The following RBFOX1 variants were observed in gnomAD, a reference collection of about 807,000 sequenced individuals.
RBFOX1 encodes RNA binding fox-1 homolog 1.
A neutral mutation model predicts 57.7 loss-of-function variants in RBFOX1; 8 were observed. That is an observed-to-expected ratio of 0.14 (90% CI 0.08 to 0.25). The LOEUF is 0.25. RBFOX1 is among the 10% of genes least tolerant of loss of function. The pLI, the probability that RBFOX1 is intolerant of heterozygous loss-of-function variation, is 1.00. For missense variants in RBFOX1, 611 were observed against 548.5 expected (o/e 1.11, Z -1.14); for synonymous variants, 326 against 222.4 (o/e 1.47, Z -4.15).
chr16:6,814,545 C>T (rs1436916413), intron 3 of RBFOX1, among the ~76,000 whole-genome samples: 1 of 152,092 alleles, frequency 6.6e-6, no homozygotes, highest in East Asian at 1.9e-4. Flanking sequence ...TTAGTATGTG[C>T]TGTGAAGGGA....
intron 4 of RBFOX1, among the ~76,000 whole-genome samples, chr16:7,115,723 A>G (rs928941616): frequency 1.3e-5 from 2 of 152,082 alleles, no homozygotes; most frequent in African/African-American, 4.8e-5. Flanking sequence ...CTGATTTAGG[A>G]GGTGACATTC....
intron 2 of RBFOX1, among the ~76,000 whole-genome samples, chr16:6,392,885 G>A (rs992506719): frequency 6.6e-6 from 1 of 152,190 alleles, no homozygotes; most frequent in Non-Finnish European, 1.5e-5. Flanking sequence ...TTTATCAGAC[G>A]CAACACCAGA....
At chr16:6,748,452 G>A (rs1352008634) in intron 3 of RBFOX1, among the ~76,000 whole-genome samples, 1 of 152,150 alleles carries the variant, frequency 6.6e-6, no homozygotes, top group Non-Finnish European at 1.5e-5. Context: ...CATAAGCCCA[G>A]GAGTTCAAGA....
rs115085662 is a variant in RBFOX1 at position 5,398,933 on chromosome 16, G to A, written c.220-68283G>A. On this transcript the variant is annotated intron_variant, in intron 1 of 2. Transcript: ENST00000585867. ...GCGGAGGCTGTGAACCAGAAAGGTG[G>A]CTGCGATTGGTGTCTGACTTTGCAC... 7.7e-3 allele frequency among the ~76,000 whole-genome samples: 1,170 copies of A among 152,288 alleles called. 17 individuals are homozygous for A. The highest frequency in any genetic ancestry group is 0.026 in the African/African-American group (1,083 of 41,552).
chr16:5,559,963 T>A (rs1250442108), intron 2 of RBFOX1, among the ~76,000 whole-genome samples: 1 of 152,188 alleles, frequency 6.6e-6, no homozygotes, highest in Admixed American at 6.5e-5. Context: ...TTTATCTGGA[T>A]GATCTTGTTG....
At chr16:6,908,028 T>G (rs778115816) in intron 3 of RBFOX1, among the ~76,000 whole-genome samples, 1 of 151,714 alleles carries the variant, frequency 6.6e-6, no homozygotes, top group African/African-American at 2.4e-5. Flanking sequence ...CATATTGGAT[T>G]AGGGCCTATC....
chr16:5,974,435 C>G (rs1055014955), intron 4 of RBFOX1, among the ~76,000 whole-genome samples: 1 of 151,612 alleles, frequency 6.6e-6, no homozygotes, highest in East Asian at 2.0e-4. Flanking sequence ...ATGGTGAAAC[C>G]CCGTCCCTAC....
chr16:7,069,739 C>G (rs111560536), intron 4 of RBFOX1, among the ~76,000 whole-genome samples: 167 of 152,202 alleles, frequency 1.1e-3, no homozygotes, highest in African/African-American at 3.9e-3. Flanking sequence ...CTGCCATCTC[C>G]CAGAGCTCTA....
chr16:6,935,234 A>G (rs1404538994), intron 3 of RBFOX1, among the ~76,000 whole-genome samples: 1 of 152,222 alleles, frequency 6.6e-6, no homozygotes, highest in Non-Finnish European at 1.5e-5. Context: ...TAGGGGAGGC[A>G]GCAGAAGTAA....
At chr16:7,685,552 G>C (rs187702238) in intron 14 of RBFOX1, among the ~76,000 whole-genome samples, 1 of 152,070 alleles carries the variant, frequency 6.6e-6, no homozygotes, top group African/African-American at 2.4e-5. Flanking sequence ...GTACTAATTA[G>C]AATCAGAAAG....
intron 3 of RBFOX1, among the ~76,000 whole-genome samples, chr16:6,840,761 C>G (rs2093413140): frequency 6.6e-6 from 1 of 151,844 alleles, no homozygotes; most frequent in Non-Finnish European, 1.5e-5. Context: ...GTGGTGTGCA[C>G]CTGTAGTCCC....
At chr16:6,393,310 A>G (rs1401861626) in intron 2 of RBFOX1, among the ~76,000 whole-genome samples, 1 of 152,224 alleles carries the variant, frequency 6.6e-6, no homozygotes, top group Non-Finnish European at 1.5e-5. Context: ...ATGGGGATGA[A>G]CAGTATCCCT....
intron 3 of RBFOX1, among the ~76,000 whole-genome samples, chr16:6,928,113 G>A (rs891353770): frequency 1.3e-5 from 2 of 152,070 alleles, no homozygotes; most frequent in Non-Finnish European, 2.9e-5. Context: ...CAGTCCCTTC[G>A]GCAGATGGCA....
intron 4 of RBFOX1, among the ~76,000 whole-genome samples, chr16:7,178,098 A>G (rs1481269050): frequency 6.6e-6 from 1 of 152,200 alleles, no homozygotes; most frequent in African/African-American, 2.4e-5. Flanking sequence ...TGCTGTTACA[A>G]ATAACCCCCA....
intron 5 of RBFOX1, among the ~76,000 whole-genome samples, chr16:7,524,421 G>A (rs374834329): frequency 5.3e-5 from 8 of 152,074 alleles, no homozygotes; most frequent in Admixed American, 3.9e-4. Flanking sequence ...AACATATCAC[G>A]GATCACATTG....
intron 3 of RBFOX1, among the ~76,000 whole-genome samples, chr16:7,009,957 C>G (rs913093947): frequency 2.6e-5 from 4 of 151,486 alleles, no homozygotes; most frequent in Non-Finnish European, 4.4e-5. Flanking sequence ...AAAAAGGGTC[C>G]AAAGCTATAT....
chr16:6,457,034 G>C (rs1274119180), intron 2 of RBFOX1, among the ~76,000 whole-genome samples: 2 of 152,166 alleles, frequency 1.3e-5, no homozygotes, highest in Non-Finnish European at 2.9e-5. Context: ...GAAGTGAGAG[G>C]GGATTGGTGA....
intron 1 of RBFOX1, among the ~76,000 whole-genome samples, chr16:5,294,876 C>T (rs747176898): frequency 1.3e-4 from 20 of 151,224 alleles, no homozygotes; most frequent in Admixed American, 2.6e-4. Context: ...ACCAAAAATA[C>T]GAAATTAGCT....
intron 4 of RBFOX1, among the ~76,000 whole-genome samples, chr16:7,512,228 C>G (rs1389454877): frequency 1.3e-5 from 2 of 152,206 alleles, no homozygotes; most frequent in East Asian, 1.9e-4. Context: ...AAGTTGGCTT[C>G]AGCTTCCAAC....
Sources: gnomAD v4.1 joint callset for allele counts (sites outside exome capture counted in the v4.1 genomes callset) on GRCh38, gnomAD v4.1.1 for gene constraint, MANE v1.5 for transcripts, NCBI Gene and HGNC (gene_info 2026-07-23, HGNC 2026-07-21) for gene names.